Variants in STXBP3 observed in about 807,000 individuals in gnomAD.
STXBP3 encodes syntaxin binding protein 3.
In STXBP3, 41 loss-of-function variants were observed where a neutral mutation model predicts 85.7. That is an observed-to-expected ratio of 0.48 (90% CI 0.37 to 0.62). STXBP3 has a LOEUF of 0.62. STXBP3 is among the 20% of genes least tolerant of loss of function. The pLI is 0.00. For synonymous variants in STXBP3, 229 were observed against 231.7 expected (o/e 0.99, Z 0.10); for missense variants, 563 against 703.1 (o/e 0.80, Z 2.25).
At chr1:108,753,232 A>C in intron 3 of STXBP3, 88 bp downstream of exon 3, 1 of 870,344 alleles carries the variant, frequency 1.1e-6, no homozygotes, top group Non-Finnish European at 1.7e-6. Context: ...TGTGTTTCTA[A>C]GGAGCTTATT....
chr1:108,774,654 T>A (rs1437931188), intron 7 of STXBP3, among the ~76,000 whole-genome samples: 1 of 147,888 alleles, frequency 6.8e-6, no homozygotes, highest in African/African-American at 2.5e-5. Context: ...TTTTTTTTTT[T>A]TTTTTTTGAG....
At chr1:108,785,446 C>T (rs1282502366) in intron 11 of STXBP3, among the ~76,000 whole-genome samples, 1 of 152,150 alleles carries the variant, frequency 6.6e-6, no homozygotes, top group Admixed American at 6.5e-5. Context: ...ATCCCAAGAC[C>T]ACACAAAGCG....
intron 17 of STXBP3, among the ~76,000 whole-genome samples, chr1:108,801,882 T>A (rs552203494): frequency 6.6e-6 from 1 of 152,076 alleles, no homozygotes; most frequent in African/African-American, 2.4e-5. Context: ...TTGCCCAGGC[T>A]GGTCTTGAAC....
rs376627979 is a variant in STXBP3, at chr1:108,769,904, T to A, written c.439-2761T>A. ...CCTTCTAGTACTGAGGCCGAAGGGC[T>A]AGTCTGGGACATAGCCGAGGGAAAA... On this transcript the variant is annotated intron_variant, in intron 6 of 18. Coordinates refer to ENST00000370008, the MANE Select transcript of STXBP3 (RefSeq NM_007269.4). 4.2e-3 allele frequency among the ~76,000 whole-genome samples: 646 copies of A among 152,332 alleles called. 1 individual carries two copies. Among genetic ancestry groups the A allele is most frequent in the Admixed American group, 8.6e-3 (131 of 15,300 alleles).
intron 9 of STXBP3, 199 bp from the exon 10 acceptor site, chr1:108,782,223 G>C (rs955939077): frequency 2.2e-6 from 1 of 463,382 alleles, no homozygotes; most frequent in African/African-American, 2.0e-5. Flanking sequence ...AAAATGTCTT[G>C]GTAGGCTTAG....
Position 108,796,744 on chromosome 1 carries a change from G to T in STXBP3, c.1356+18G>T. 1.3e-6 allele frequency: 2 copies of T among 1,595,814 alleles called. No individual in the cohort carries two copies. Among genetic ancestry groups the T allele is most frequent in the Non-Finnish European group, 8.6e-7 (1 of 1,167,432 alleles). ...TTCCCCAAGTAAGAAGTCTTATGTT[G>T]TGTATATACTTTATATGTATGTGTA... On this transcript the variant is annotated intron_variant, in intron 15 of 18. Transcript: ENST00000370008.
rs202164901 is a variant in STXBP3 at position 108,796,931 on chromosome 1, C to T, written c.1356+205C>T. 2.1e-4 allele frequency among the ~76,000 whole-genome samples: 32 copies of T among 152,060 alleles called. No individual in the cohort carries two copies. In the East Asian group the frequency reaches 6.2e-3, roughly 29 times the overall value. On this transcript the variant is annotated intron_variant, in intron 15 of 18. Coordinates refer to ENST00000370008, the MANE Select transcript of STXBP3 (RefSeq NM_007269.4). Reference sequence around the variant, plus strand: ...CTAGCGAATTTGTATTTTATGGCTTCTGTCATAATTCACTACTTACATTTT... The same window carrying T: ...CTAGCGAATTTGTATTTTATGGCTTTTGTCATAATTCACTACTTACATTTT...
chr1:108,802,251 G>C (rs1663247178), intron 17 of STXBP3, among the ~76,000 whole-genome samples: 1 of 151,946 alleles, frequency 6.6e-6, no homozygotes, highest in South Asian at 2.1e-4. Context: ...ACAAAAATTA[G>C]CCGGGCATGG....
At chr1:108,772,180 A>G (rs1169881790) in intron 6 of STXBP3, among the ~76,000 whole-genome samples, 2 of 85,632 alleles carry the variant, frequency 2.3e-5, no homozygotes, top group African/African-American at 4.7e-5. Context: ...ATATCTATCT[A>G]TATATCATAT....
Position 108,753,125 on chromosome 1 carries a change from T to C in STXBP3, c.162T>C (p.Leu54=). ...CATCGTGTTGCAAAATGACAGATCT[T>C]CTAGAAGAAGGTATTACTGGTAAGT... ...LLASCCKMTD[L]LEEGITVVEN... is the part of the protein sequence containing the mutation. The change falls in exon 3 of 19, where the codon CTT becomes CTC. Residue 54 remains leucine (L), a synonymous_variant. Coordinates refer to ENST00000370008, the MANE Select transcript of STXBP3 (RefSeq NM_007269.4). 1 of 1,589,820 alleles carries C rather than the reference T, an allele frequency of 6.3e-7. No homozygotes were observed. Among genetic ancestry groups the C allele is most frequent in the Non-Finnish European group, 8.5e-7 (1 of 1,169,850 alleles).
At chr1:108,794,929 C>T (rs1663059243) in intron 13 of STXBP3, 22 bp downstream of exon 13, 2 of 1,570,052 alleles carry the variant, frequency 1.3e-6, no homozygotes, top group Admixed American at 1.7e-5. Context: ...GTCAGAAATG[C>T]CTCTGTTCAT....
intron 11 of STXBP3, among the ~76,000 whole-genome samples, chr1:108,787,231 A>G (rs762564158): frequency 6.6e-6 from 1 of 152,052 alleles, no homozygotes; most frequent in Non-Finnish European, 1.5e-5. Flanking sequence ...TTGCCTCCCT[A>G]GTAGCTGGGA....
In STXBP3 at chr1:108,772,264, ATATC is replaced by A. The variant is rs1339281147; in HGVS notation, c.439-395_439-392del. Among the ~76,000 whole-genome samples the A allele has an allele frequency of 1.9e-3, 133 of 71,384 alleles. 22 individuals carry two copies. Among genetic ancestry groups the A allele is most frequent in the Non-Finnish European group, 2.1e-3 (69 of 32,576 alleles). 46.8% of individuals were successfully genotyped at this position (71,384 alleles called of 152,430 possible). On this transcript the variant is annotated intron_variant, in intron 6 of 18. Coordinates refer to ENST00000370008, the MANE Select transcript of STXBP3 (RefSeq NM_007269.4). ...TCTGTATCATATATAAATACATATG[ATATC>A]TATCTGTATCATATATAAATACATA...
chr1:108,807,646 G>T, intron 18 of STXBP3, 97 bp downstream of exon 18: 1 of 1,277,938 alleles, frequency 7.8e-7, no homozygotes, highest in Non-Finnish European at 1.1e-6. Context: ...GCGCAATCTT[G>T]GCTCACCGCA....
At chr1:108,775,488 C>T (rs1160868387) in intron 7 of STXBP3, among the ~76,000 whole-genome samples, 1 of 152,030 alleles carries the variant, frequency 6.6e-6, no homozygotes, top group Admixed American at 6.6e-5. Flanking sequence ...GTTGTGCTAT[C>T]AAATACTAGA....
At chr1:108,748,487 A>G (rs1028936027) in intron 1 of STXBP3, among the ~76,000 whole-genome samples, 1 of 152,180 alleles carries the variant, frequency 6.6e-6, no homozygotes, top group East Asian at 1.9e-4. Flanking sequence ...GTGCCACCGC[A>G]CTCCAGCCTG....
Position 108,772,764 on chromosome 1 carries a change from C to A in STXBP3, c.538C>A (p.Gln180Lys). Reference protein sequence around the residue: ...KDAIMETMADQIVTVCATLDE... With the variant: ...KDAIMETMADKIVTVCATLDE... The stretch of plus-strand genomic sequence containing the variant: ...TGCCATTATGGAAACAATGGCTGAC[C>A]AGATAGTTACAGTGTGTGCCACCTT... Residue 180 changes from glutamine (Q) to lysine (K), a missense_variant, in exon 7 of 19, where the codon CAG becomes AAG. Gln to Lys is a moderately conservative substitution (Grantham distance 53, BLOSUM62 1). Coordinates refer to ENST00000370008, the MANE Select transcript of STXBP3 (RefSeq NM_007269.4). The A allele has an allele frequency of 6.2e-7, 1 of 1,603,702 alleles. No individual in the cohort carries two copies. Among genetic ancestry groups the A allele is most frequent in the South Asian group, 1.1e-5 (1 of 89,850 alleles).
chr1:108,793,157 A>ATTTTTTTTTCTTTTTTTT lies in STXBP3; in HGVS notation c.964-416_964-415insCTTTTTTTTTTTTTTTTT, dbSNP rs751400870. 7.4e-5 allele frequency among the ~76,000 whole-genome samples: 5 copies of ATTTTTTTTTCTTTTTTTT among 67,510 alleles called. 1 individual carries two copies. The highest frequency in any genetic ancestry group is 3.0e-4 in the African/African-American group (5 of 16,586). The allele number at this position is 67,510 out of a possible 152,430, so 44.3% of individuals were successfully genotyped here. On this transcript the variant is annotated intron_variant, in intron 11 of 18. Coordinates refer to ENST00000370008, the MANE Select transcript of STXBP3 (RefSeq NM_007269.4). The stretch of plus-strand genomic sequence containing the variant: ...CTCACAGCCCCAAGCTCTTATCTCC[A>ATTTTTTTTTCTTTTTTTT]TTTTTTTTTTTTTTTTTTTTTTTTT...
rs1039689660 is a variant in STXBP3, at chr1:108,797,289, G to C, written c.1356+563G>C. 6.8e-5 allele frequency among the ~76,000 whole-genome samples: 10 copies of C among 147,286 alleles called. No individual in the cohort carries two copies. The South Asian group carries it at 1.3e-3, about 19-fold the overall frequency. On this transcript the variant is annotated intron_variant, in intron 15 of 18. Transcript: ENST00000370008. ...ATAAGCTCAGGAGGTCAAGGCTGCA[G>C]TGGGCCAAAATCACACCACTGTACT...
Sources: gnomAD v4.1 joint callset for allele counts (sites outside exome capture counted in the v4.1 genomes callset) on GRCh38, gnomAD v4.1.1 for gene constraint, MANE v1.5 for transcripts, NCBI Gene and HGNC (gene_info 2026-07-23, HGNC 2026-07-21) for gene names.